The following SPATA31C2 variants were observed in gnomAD, a reference collection of about 807,000 sequenced individuals.
SPATA31C2 encodes SPATA31 subfamily C member 2.
In SPATA31C2, 5 loss-of-function variants were observed where a neutral mutation model predicts 11.4. The observed-to-expected ratio is 0.44, with a 90% CI of 0.23 to 0.92. The LOEUF (loss-of-function observed/expected upper bound fraction) is 0.92, where lower values mean the gene tolerates loss of function less well. Among genes scored for constraint, SPATA31C2 ranks in the 40% least tolerant of loss-of-function variants. SPATA31C2 has a pLI of 0.24. For missense variants in SPATA31C2, 1,353 were observed against 1,368.6 expected (o/e 0.99, Z 0.18); for synonymous variants, 515 against 538.7 (o/e 0.96, Z 0.61).
intron 1 of SPATA31C2, among the ~76,000 whole-genome samples, chr9:88,137,641 G>T (rs1453681278): frequency 8.4e-6 from 1 of 118,770 alleles, no homozygotes; most frequent in Non-Finnish European, 1.7e-5. Context: ...AAACACACAC[G>T]CACACACACA....
rs775923598 is a variant in SPATA31C2 at position 88,131,821 on chromosome 9, G to A, written c.1216C>T (p.Leu406=). ...GAGGGTAAAGCCAACCCACCTTCTA[G>A]TTGTTTCTTCAACAAAGGCCTTTCA... ...HPERPLLKKQ[L]EGGLALPSRV... The change falls in exon 4 of 4, where the codon CTA becomes TTA. Residue 406 remains leucine, a synonymous_variant. Coordinates refer to ENST00000324915, the MANE Select transcript of SPATA31C2 (RefSeq NM_001350978.3). The A allele has an allele frequency of 4.3e-6, 7 of 1,611,528 alleles. No individual in the cohort carries two copies. The highest frequency in any genetic ancestry group is 3.3e-5 in the South Asian group (3 of 90,974).
rs1825587328 is a variant in SPATA31C2, at chr9:88,131,251, C to G, written c.1786G>C (p.Val596Leu). The G allele has an allele frequency of 1.2e-6, 2 of 1,611,770 alleles. No individual in the cohort carries two copies. Reference protein sequence around the residue: ...QTNEGLIPVSVRRSWLAVNQA... With the variant: ...QTNEGLIPVSLRRSWLAVNQA... ...TTGACAGCAAGCCAGGATCGACGCACACTCACGGGGATCAAGCCCTCGTTG... is the reference window on the plus strand; with the variant it reads ...TTGACAGCAAGCCAGGATCGACGCAGACTCACGGGGATCAAGCCCTCGTTG... Residue 596 changes from valine to leucine, a missense_variant, in exon 4 of 4, where the codon GTG (valine) becomes CTG (leucine). Physicochemically the swap from Val to Leu is conservative, Grantham distance 32. Coordinates refer to ENST00000324915, the MANE Select transcript of SPATA31C2 (RefSeq NM_001350978.3).
rs1387487574 is a variant in SPATA31C2, at chr9:88,137,360, C to T, written c.189+898G>A. On this transcript the variant is annotated intron_variant, in intron 1 of 3. Coordinates refer to ENST00000324915, the MANE Select transcript of SPATA31C2 (RefSeq NM_001350978.3). ...AAAGGATCAGCCGGGCGCGGTGGCT[C>T]ATGCCTGTAATCCCAGCACTTTGGG... is the stretch of plus-strand genomic sequence containing the variant. Among the ~76,000 whole-genome samples, 3 of 146,664 alleles carry T rather than the reference C, an allele frequency of 2.0e-5. 1 individual carries two copies. The highest frequency in any genetic ancestry group is 4.0e-4 in the East Asian group (2 of 5,008).
chr9:88,133,488 C>T (rs1357144607), intron 2 of SPATA31C2, 106 bp downstream of exon 2: 2 of 1,467,040 alleles, frequency 1.4e-6, no homozygotes, highest in Non-Finnish European at 9.2e-7. Context: ...TGATTTCCTT[C>T]CTAGGAGCCC....
chr9:88,137,632 AAC>A lies in SPATA31C2; in HGVS notation c.189+624_189+625del, dbSNP rs1310693765. Among the ~76,000 whole-genome samples, 138 of 120,502 alleles carry A rather than the reference AAC, an allele frequency of 1.1e-3. 5 individuals are homozygous for A. The highest frequency in any genetic ancestry group is 3.9e-3 in the African/African-American group (114 of 29,498). The allele number at this position is 120,502 out of a possible 152,430, so 79.1% of individuals were successfully genotyped here. A position where few individuals can be genotyped will look rare whatever the true frequency, so the allele number is the denominator to read the frequency against. On this transcript the variant is annotated intron_variant, in intron 1 of 3. Transcript: ENST00000324915. ...ACAAAATAAATAAAAATAACACACA[AAC>A]ACACACGCACACACACAGGGATTTT...
chr9:88,129,763 A>G lies in SPATA31C2; in HGVS notation c.3274T>C (p.Phe1092Leu), dbSNP rs1338508089. The G allele has an allele frequency of 6.2e-7, 1 of 1,603,778 alleles. No individual in the cohort carries two copies. Among genetic ancestry groups the G allele is most frequent in the Admixed American group, 1.7e-5 (1 of 59,512 alleles). ...AACGGGTGTCTGTGGTTGCAGGGAA[A>G]CCCACAGACTGGGGCTTGAAACTGC... The part of the protein sequence containing the change: ...RQQFQAPVCG[F>L]PCNHRHPFYS... The change falls in exon 4 of 4, where the codon TTT (phenylalanine) becomes CTT (leucine). Residue 1092 changes from phenylalanine (F) to leucine (L), a missense_variant. Phe to Leu is a conservative substitution (Grantham distance 22). Around this residue, in one of 6 missense-constraint regions of SPATA31C2, gnomAD observed 187 missense variants for 205.8 expected, o/e 0.91. Coordinates refer to ENST00000324915, the MANE Select transcript of SPATA31C2 (RefSeq NM_001350978.3).
At chr9:88,137,242 A>G (rs1200052038) in intron 1 of SPATA31C2, among the ~76,000 whole-genome samples, 2 of 149,150 alleles carry the variant, frequency 1.3e-5, no homozygotes, top group African/African-American at 4.9e-5. Context: ...AAAAAGTGCA[A>G]TATCGGTTCA....
chr9:88,131,897 A>G lies in SPATA31C2; in HGVS notation c.1140T>C (p.Pro380=), dbSNP rs1303957858. The G allele has an allele frequency of 6.2e-7, 1 of 1,610,382 alleles. No homozygotes were observed. ...GAGCTTGCACTTTATTCTGCGACGC[A>G]GGGCAAGCTACTCCAGTGTTCTTCA... is the stretch of plus-strand genomic sequence containing the variant. ...SPMKNTGVAC[P]ASQNKVQALS... The change falls in exon 4 of 4, where the codon CCT becomes CCC. Residue 380 remains proline (P), a synonymous_variant. Transcript: ENST00000324915.
intron 1 of SPATA31C2, among the ~76,000 whole-genome samples, chr9:88,136,705 C>G (rs1342441018): frequency 7.1e-6 from 1 of 141,334 alleles, no homozygotes; most frequent in Non-Finnish European, 1.5e-5. Flanking sequence ...TGGAGTCTTC[C>G]TCCATCTTCA....
In SPATA31C2 at chr9:88,131,282, G is replaced by A. The variant is rs563609593; in HGVS notation, c.1755C>T (p.Gly585=). Residue 585 remains glycine, a synonymous_variant, in exon 4 of 4, where the codon GGC becomes GGT. Transcript: ENST00000324915. ...CGGGGATCAAGCCCTCGTTGGTCTG[G>A]CCCAACTTTCTGCTCATGTGGGCTT... ...ILKAHMSRKL[G]QTNEGLIPVS... 1.2e-6 allele frequency: 2 copies of A among 1,611,786 alleles called. No homozygotes were observed. The highest frequency in any genetic ancestry group is 1.7e-6 in the Non-Finnish European group (2 of 1,179,860).
In SPATA31C2 at chr9:88,132,056, G is replaced by A; in HGVS notation, c.981C>T (p.Ser327=). The part of the protein sequence containing the change: ...SPLLFQAQPL[S]HLEPESQPFI... ...AGGGTTGGGACTCAGGCTCCAGATG[G>A]GACAGGGGCTGGGCCTGGAAAAGCA... The change falls in exon 4 of 4, where the codon TCC becomes TCT. Residue 327 remains serine (S), a synonymous_variant. Coordinates refer to ENST00000324915, the MANE Select transcript of SPATA31C2 (RefSeq NM_001350978.3). 2 of 1,610,838 alleles carry A rather than the reference G, an allele frequency of 1.2e-6. No homozygotes were observed. Among genetic ancestry groups the A allele is most frequent in the Non-Finnish European group, 1.7e-6 (2 of 1,177,684 alleles).
At position 88,130,991 on chromosome 9, in the gene SPATA31C2, A is replaced by G. The variant is rs756427759; in HGVS notation, c.2046T>C (p.Leu682=). Residue 682 remains leucine (L), a synonymous_variant, in exon 4 of 4, where the codon CTT becomes CTC. Coordinates refer to ENST00000324915, the MANE Select transcript of SPATA31C2 (RefSeq NM_001350978.3). The part of the protein sequence containing the change: ...FQLEKVSSLS[L]IQLAGPSSDT... The stretch of plus-strand genomic sequence containing the variant: ...CTGAGGAGGGACCAGCAAGCTGTAT[A>G]AGGGACAAGGATGAAACCTTTTCCA... The G allele has an allele frequency of 1.4e-4, 226 of 1,612,298 alleles. No homozygotes were observed. The highest frequency in any genetic ancestry group is 1.9e-4 in the Non-Finnish European group (224 of 1,179,868).
At chr9:88,133,697 A>C in intron 1 of SPATA31C2, 28 bp from the exon 2 acceptor site, 1 of 1,602,518 alleles carries the variant, frequency 6.2e-7, no homozygotes, top group Non-Finnish European at 8.5e-7. Context: ...GCGAGGAGCT[A>C]GGACCGGCTC....
rs779421542 is a variant in SPATA31C2, at chr9:88,132,134, C to A, written c.903G>T (p.Ser301=). The change falls in exon 4 of 4, where the codon TCG becomes TCT. Residue 301 remains serine (S), a synonymous_variant. Transcript: ENST00000324915. ...GGGAAAGATGATCTTGCTGGACTGA[C>A]GAGTTGAAGACGCACCAGGTTTTGG... ...ETTKTWCVFN[S]SVQQDHLSRQ... The A allele has an allele frequency of 1.9e-6, 3 of 1,610,560 alleles. No homozygotes were observed. Among genetic ancestry groups the A allele is most frequent in the South Asian group, 2.2e-5 (2 of 91,030 alleles).
chr9:88,131,828 C>G lies in SPATA31C2; in HGVS notation c.1209G>C (p.Lys403Asn). The change falls in exon 4 of 4, where the codon AAG becomes AAC. Residue 403 changes from lysine to asparagine, a missense_variant. By Grantham distance (94) the Lys-to-Asn change is moderately conservative (BLOSUM62 0). Coordinates refer to ENST00000324915, the MANE Select transcript of SPATA31C2 (RefSeq NM_001350978.3). ...ETQHPERPLL[K>N]KQLEGGLALP... ...AAGCCAACCCACCTTCTAGTTGTTTCTTCAACAAAGGCCTTTCAGGGTGCT... is the reference window on the plus strand; with the variant it reads ...AAGCCAACCCACCTTCTAGTTGTTTGTTCAACAAAGGCCTTTCAGGGTGCT... 1.9e-6 allele frequency: 3 copies of G among 1,611,522 alleles called. No homozygotes were observed. Among genetic ancestry groups the G allele is most frequent in the Non-Finnish European group, 2.5e-6 (3 of 1,179,526 alleles).
rs1218798751 is a variant in SPATA31C2, at chr9:88,129,715, G to C, written c.3322C>G (p.Leu1108Val). The change falls in exon 4 of 4, where the codon CTG becomes GTG. Residue 1108 changes from leucine to valine, a missense_variant. Coordinates refer to ENST00000324915, the MANE Select transcript of SPATA31C2 (RefSeq NM_001350978.3). The stretch of plus-strand genomic sequence containing the variant: ...TGTTGACTGCTGGCTGCATAGCTCA[G>C]CATTCTGCTGTGTTCTGAGTAGAAC... ...HPFYSEHSRM[L>V]SYAASSQQAT... 1.2e-6 allele frequency: 2 copies of C among 1,603,204 alleles called. No individual in the cohort carries two copies. The highest frequency in any genetic ancestry group is 3.4e-5 in the Admixed American group (2 of 59,144).
chr9:88,132,504 C>T lies in SPATA31C2; in HGVS notation c.533G>A (p.Gly178Asp), dbSNP rs1825617672. 2 of 1,610,594 alleles carry T rather than the reference C, an allele frequency of 1.2e-6. No individual in the cohort carries two copies. The highest frequency in any genetic ancestry group is 1.7e-6 in the Non-Finnish European group (2 of 1,177,878). Reference protein sequence around the residue: ...PQDLASTPPPGPMTTSVSSLS... With the variant: ...PQDLASTPPPDPMTTSVSSLS... ...GGAGGAGACTGAGGTGGTCATTGGG[C>T]CTGGTGGTGGGGTGGAGGCCAGATC... is the stretch of plus-strand genomic sequence containing the variant. The change falls in exon 4 of 4, where the codon GGC (glycine) becomes GAC (aspartate). Residue 178 changes from glycine to aspartate, a missense_variant. Coordinates refer to ENST00000324915, the MANE Select transcript of SPATA31C2 (RefSeq NM_001350978.3).
At chr9:88,133,334 G>A (rs1391120843) in intron 2 of SPATA31C2, among the ~76,000 whole-genome samples, 4 of 54,922 alleles carry the variant, frequency 7.3e-5, no homozygotes, top group Non-Finnish European at 6.8e-5. Flanking sequence ...CCCAGGGAGC[G>A]GGAGGCCCCT....
rs765139941 is a variant in SPATA31C2 at position 88,132,107 on chromosome 9, G to A, written c.930C>T (p.Arg310=). The A allele has an allele frequency of 1.1e-5, 17 of 1,610,554 alleles. No individual in the cohort carries two copies. The highest frequency in any genetic ancestry group is 6.7e-5 in the Admixed American group (4 of 59,796). The change falls in exon 4 of 4, where the codon CGC becomes CGT. Residue 310 remains arginine (R), a synonymous_variant. Coordinates refer to ENST00000324915, the MANE Select transcript of SPATA31C2 (RefSeq NM_001350978.3). ...GTGGGGACATTGTAGTGTCCCTTTGGCGGGAAAGATGATCTTGCTGGACTG... is the reference window on the plus strand; with the variant it reads ...GTGGGGACATTGTAGTGTCCCTTTGACGGGAAAGATGATCTTGCTGGACTG... The part of the protein sequence containing the change: ...NSSVQQDHLS[R]QRDTTMSPLL...
Sources: gnomAD v4.1 joint callset for allele counts (sites outside exome capture counted in the v4.1 genomes callset) on GRCh38, gnomAD v4.1.1 for gene constraint, gnomAD v4.1.1 regional missense constraint, MANE v1.5 for transcripts, NCBI Gene and HGNC (gene_info 2026-07-23, HGNC 2026-07-21) for gene names.